SORCS1: variants seen among roughly 807,000 people sequenced by gnomAD.
SORCS1 encodes the protein sortilin related VPS10 domain containing receptor 1.
Under a neutral mutation model 146.1 loss-of-function variants are expected in SORCS1, and 60 were observed. That is an observed-to-expected ratio of 0.41 (90% CI 0.33 to 0.51). SORCS1 has a LOEUF of 0.51. SORCS1 is among the 20% of genes least tolerant of loss of function. The probability of loss-of-function intolerance (pLI) is 0.21; values close to 1 mark genes in which losing one functional copy is unlikely to be tolerated. For synonymous variants in SORCS1, 637 were observed against 584.0 expected (o/e 1.09, Z -1.31); for missense variants, 1,352 against 1,487.6 (o/e 0.91, Z 1.50).
chr10:106,748,049 T>G (rs998980687), intron 5 of SORCS1, among the ~76,000 whole-genome samples: 1 of 152,234 alleles, frequency 6.6e-6, no homozygotes, highest in Non-Finnish European at 1.5e-5. Flanking sequence ...TTTTTCTCAT[T>G]TTAACATCTT....
rs374338257 is a variant in SORCS1, at chr10:106,804,338, G to GAAAATAAAATAAAAT, written c.726+25221_726+25235dup. ...CAGAGTGAAACTCTGTTTCCGAAGA[G>GAAAATAAAATAAAAT]AAAATAAAATAAAATAAAATAAAAT... On this transcript the variant is annotated intron_variant, in intron 3 of 25. Coordinates refer to ENST00000263054, the MANE Select transcript of SORCS1 (RefSeq NM_052918.5). Among the ~76,000 whole-genome samples, 1,206 of 138,310 alleles carry GAAAATAAAATAAAAT rather than the reference G, an allele frequency of 8.7e-3. 13 individuals carry two copies. The highest frequency in any genetic ancestry group is 0.017 in the African/African-American group (626 of 36,692). The allele number at this position is 138,310 out of a possible 152,430, so 90.7% of individuals were successfully genotyped here. A position where few individuals can be genotyped will look rare whatever the true frequency, so the allele number is the denominator to read the frequency against.
At chr10:106,870,901 A>G (rs1344871835) in intron 2 of SORCS1, among the ~76,000 whole-genome samples, 1 of 152,054 alleles carries the variant, frequency 6.6e-6, no homozygotes, top group East Asian at 1.9e-4. Context: ...AAAACTATCA[A>G]CAGAATAAAC....
intron 14 of SORCS1, 28 bp downstream of exon 14, chr10:106,675,021 C>A (rs779394439): frequency 1.9e-6 from 3 of 1,542,526 alleles, no homozygotes; most frequent in African/African-American, 1.4e-5. Context: ...TCTATGAAGG[C>A]TGGACCACAT....
intron 1 of SORCS1, among the ~76,000 whole-genome samples, chr10:107,153,913 G>A (rs1291053402): frequency 6.6e-6 from 1 of 150,476 alleles, no homozygotes; most frequent in Non-Finnish European, 1.5e-5. Flanking sequence ...ATCCTTTCCT[G>A]CTTTTTTTCC....
At chr10:106,948,884 C>A (rs1232983677) in intron 2 of SORCS1, among the ~76,000 whole-genome samples, 2 of 152,096 alleles carry the variant, frequency 1.3e-5, no homozygotes, top group African/African-American at 4.8e-5. Context: ...TGGCATGAAC[C>A]TGGGAGGCGG....
intron 1 of SORCS1, among the ~76,000 whole-genome samples, chr10:107,159,117 A>C (rs1485825262): frequency 6.6e-6 from 1 of 152,204 alleles, no homozygotes; most frequent in Non-Finnish European, 1.5e-5. Context: ...ACAGATTGAA[A>C]TGAAGGCCTG....
intron 1 of SORCS1, among the ~76,000 whole-genome samples, chr10:107,153,904 T>A (rs822330): frequency 0.11 from 16,819 of 152,114 alleles, 1,297 homozygotes; most frequent in East Asian, 0.26. Flanking sequence ...TTGAGTCATA[T>A]CCTTTCCTGC....
Position 107,070,955 on chromosome 10 carries a change from C to T in SORCS1, c.558+93014G>A, listed in dbSNP as rs113760508. Among the ~76,000 whole-genome samples, 366 of 152,220 alleles carry T rather than the reference C, an allele frequency of 2.4e-3. 1 individual carries two copies. Among genetic ancestry groups the T allele is most frequent in the African/African-American group, 6.9e-3 (288 of 41,552 alleles). The stretch of plus-strand genomic sequence containing the variant: ...ATAGTCCCATAAACGAGGCTTGCTA[C>T]TGACCTCAGTCAGTAACCAGGAGGC... On this transcript the variant is annotated intron_variant, in intron 1 of 25. Transcript: ENST00000263054.
intron 2 of SORCS1, among the ~76,000 whole-genome samples, chr10:106,921,141 T>C (rs1211526733): frequency 2.0e-5 from 3 of 152,136 alleles, no homozygotes; most frequent in African/African-American, 7.2e-5. Context: ...CAGTCAAGTG[T>C]TATGTTCCAG....
intron 3 of SORCS1, among the ~76,000 whole-genome samples, chr10:106,794,630 G>T (rs1946462281): frequency 3.3e-5 from 5 of 151,266 alleles, no homozygotes; most frequent in African/African-American, 7.3e-5. Context: ...AGTCTCCCGA[G>T]TAGCTGGAAC....
intron 6 of SORCS1, among the ~76,000 whole-genome samples, chr10:106,714,116 C>T (rs1440509429): frequency 1.3e-5 from 1 of 78,560 alleles, no homozygotes; most frequent in African/African-American, 5.1e-5. Context: ...AGCCTGGCAA[C>T]AACAGTGAAA....
At chr10:107,035,840 T>G (rs902190256) in intron 1 of SORCS1, among the ~76,000 whole-genome samples, 5 of 151,814 alleles carry the variant, frequency 3.3e-5, no homozygotes, top group Admixed American at 2.6e-4. Context: ...CTCACAAATA[T>G]CCTATGAAAT....
intron 18 of SORCS1, among the ~76,000 whole-genome samples, chr10:106,634,340 T>A (rs1848609231): frequency 6.6e-6 from 1 of 152,224 alleles, no homozygotes; most frequent in Non-Finnish European, 1.5e-5. Context: ...ACATTTCTAT[T>A]GTGTGTTTGT....
At chr10:106,812,652 C>T (rs1053733415) in intron 3 of SORCS1, among the ~76,000 whole-genome samples, 3 of 152,094 alleles carry the variant, frequency 2.0e-5, no homozygotes, top group Non-Finnish European at 4.4e-5. Context: ...GAGTTATTCA[C>T]TAGGATCCAT....
intron 4 of SORCS1, among the ~76,000 whole-genome samples, chr10:106,776,001 C>A (rs1860406914): frequency 6.6e-6 from 1 of 152,214 alleles, no homozygotes; most frequent in South Asian, 2.1e-4. Context: ...ACGAAGTGGA[C>A]TTCTTCAACT....
intron 1 of SORCS1, among the ~76,000 whole-genome samples, chr10:107,152,106 T>G (rs1478897722): frequency 1.3e-5 from 2 of 152,142 alleles, no homozygotes; most frequent in African/African-American, 4.8e-5. Flanking sequence ...AAGAGGCCAA[T>G]GTACAGCTCA....
chr10:106,605,540 T>C (rs1314622365), intron 23 of SORCS1, among the ~76,000 whole-genome samples: 1 of 152,216 alleles, frequency 6.6e-6, no homozygotes, highest in East Asian at 1.9e-4. Context: ...AATGTTCCTA[T>C]CTAAAGGCTT....
At chr10:107,066,860 T>C (rs929636918) in intron 1 of SORCS1, among the ~76,000 whole-genome samples, 3 of 152,216 alleles carry the variant, frequency 2.0e-5, no homozygotes, top group Non-Finnish European at 4.4e-5. Flanking sequence ...ATCATCTTTC[T>C]AGCCATAGTT....
At chr10:107,115,985 T>C (rs765011349) in intron 1 of SORCS1, among the ~76,000 whole-genome samples, 5 of 152,098 alleles carry the variant, frequency 3.3e-5, no homozygotes, top group Non-Finnish European at 7.4e-5. Flanking sequence ...AAATGGCTAT[T>C]TGTATGTTTT....
Sources: gnomAD v4.1 joint callset for allele counts (sites outside exome capture counted in the v4.1 genomes callset) on GRCh38, gnomAD v4.1.1 for gene constraint, MANE v1.5 for transcripts, NCBI Gene and HGNC (gene_info 2026-07-23, HGNC 2026-07-21) for gene names.